SNRNP200: variants seen among roughly 807,000 people sequenced by gnomAD.
The protein encoded by SNRNP200 is U5 small nuclear ribonucleoprotein 200 kDa helicase.
A neutral mutation model predicts 255.2 loss-of-function variants in SNRNP200; 66 were observed. That is an observed-to-expected ratio of 0.26 (90% CI 0.21 to 0.32). SNRNP200 has a LOEUF of 0.32. Among genes scored for constraint, SNRNP200 ranks in the 10% least tolerant of loss-of-function variants. The pLI is 1.00. For missense variants in SNRNP200, 1,585 were observed against 2,749.8 expected (o/e 0.58, Z 9.47); for synonymous variants, 939 against 1,027.8 (o/e 0.91, Z 1.65).
intron 4 of SNRNP200, among the ~76,000 whole-genome samples, 169 bp from the exon 5 acceptor site, chr2:96,301,222 C>A (rs2063950375): frequency 1.3e-5 from 2 of 152,218 alleles, no homozygotes; most frequent in Admixed American, 1.3e-4. Context: ...GCTGCTCCTG[C>A]CAAGACCTTC....
intron 24 of SNRNP200, among the ~76,000 whole-genome samples, chr2:96,288,391 G>C (rs1447559918): frequency 6.6e-6 from 1 of 152,212 alleles, no homozygotes; most frequent in African/African-American, 2.4e-5. Flanking sequence ...CTGGGAAGCA[G>C]ACACTGCGTG....
Position 96,297,369 on chromosome 2 carries a change from T to C in SNRNP200, c.1371A>G (p.Ser457=). Reference sequence around the variant, plus strand: ...AAGAAAGCAATTCACTTACTTCTTCTGAGCCAAAGGGCTTGGGCTTCAGAG... The same window carrying C: ...AAGAAAGCAATTCACTTACTTCTTCCGAGCCAAAGGGCTTGGGCTTCAGAG... ...VPALKPKPFG[S]EEQLLPVEKL... The change falls in exon 11 of 45, where the codon TCA becomes TCG. Residue 457 remains serine (S), a synonymous_variant. Coordinates refer to ENST00000323853, the MANE Select transcript of SNRNP200 (RefSeq NM_014014.5). 1 of 1,613,622 alleles carries C rather than the reference T, an allele frequency of 6.2e-7. No homozygotes were observed. Among genetic ancestry groups the C allele is most frequent in the Non-Finnish European group, 8.5e-7 (1 of 1,180,012 alleles).
rs774216490 is a variant in SNRNP200, at chr2:96,290,558, G to A, written c.2554-44C>T. The A allele has an allele frequency of 7.4e-6, 12 of 1,613,216 alleles. 1 individual carries two copies. In the South Asian group the frequency reaches 1.3e-4, roughly 18 times the overall value. ...ACCAAGAATGCTATGTCAAGAGAAT[G>A]TCTGAATTTTGATGCAGGTATCTAC... On this transcript the variant is annotated intron_variant, in intron 19 of 44. Coordinates refer to ENST00000323853, the MANE Select transcript of SNRNP200 (RefSeq NM_014014.5). The surrounding 1 kb of genome is among the most constrained non-coding windows in gnomAD (Gnocchi z 4.5).
chr2:96,298,155 G>A, intron 9 of SNRNP200, 129 bp downstream of exon 9: 1 of 1,393,392 alleles, frequency 7.2e-7, no homozygotes, highest in Non-Finnish European at 1.0e-6. Context: ...TGTATGCACT[G>A]ATAAACCCCA....
intron 16 of SNRNP200, 83 bp downstream of exon 16, chr2:96,292,889 T>C: frequency 6.6e-7 from 1 of 1,512,438 alleles, no homozygotes; most frequent in Non-Finnish European, 9.1e-7. Flanking sequence ...TCTCTTTTAA[T>C]TTCTGTCAAT....
In SNRNP200 at chr2:96,293,121, G is replaced by C. The variant is rs766377129; in HGVS notation, c.2037-26C>G. The C allele has an allele frequency of 3.1e-6, 5 of 1,614,110 alleles. No individual in the cohort carries two copies. The South Asian group carries it at 5.5e-5, about 18-fold the overall frequency. On this transcript the variant is annotated intron_variant, in intron 15 of 44. Coordinates refer to ENST00000323853, the MANE Select transcript of SNRNP200 (RefSeq NM_014014.5). ...CTAGAAGTTCAACAGTTAGACAAAT[G>C]AGGCTTTGGCAGAAAATACTGTGGG...
chr2:96,277,073 T>G lies in SNRNP200; in HGVS notation c.6092+8A>C. On this transcript the variant is annotated splice_region_variant and intron_variant, in intron 42 of 44. Coordinates refer to ENST00000323853, the MANE Select transcript of SNRNP200 (RefSeq NM_014014.5). The surrounding 1 kb of genome is among the most constrained non-coding windows in gnomAD (Gnocchi z 4.4). The stretch of plus-strand genomic sequence containing the variant: ...TGCTGTGCCCAACAGGCACCACCTC[T>G]GGCTCACCTGCGGATGCTGTCCTTA... 7.4e-6 allele frequency: 12 copies of G among 1,614,212 alleles called. No individual in the cohort carries two copies. The highest frequency in any genetic ancestry group is 1.0e-5 in the Non-Finnish European group (12 of 1,180,030).
rs2063921107 is a variant in SNRNP200, at chr2:96,296,984, G to C, written c.1464C>G (p.Leu488=). 2.5e-6 allele frequency: 4 copies of C among 1,614,108 alleles called. No individual in the cohort carries two copies. In the Admixed American group the frequency reaches 6.7e-5, roughly 27 times the overall value. The change falls in exon 12 of 45, where the codon CTC becomes CTG. Residue 488 remains leucine, a synonymous_variant. Transcript: ENST00000323853. ...CATCCGTCTCAAGGGCAGCACGGTA[G>C]AGCTTACTCTGGATCCGATTCAGTG... ...FKTLNRIQSK[L]YRAALETDEN...
rs772952157 is a variant in SNRNP200 at position 96,283,315 on chromosome 2, G to A, written c.4801C>T (p.Leu1601=). 48 of 1,614,128 alleles carry A rather than the reference G, an allele frequency of 3.0e-5. No individual in the cohort carries two copies. Among genetic ancestry groups the A allele is most frequent in the Non-Finnish European group, 4.0e-5 (47 of 1,180,030 alleles). The change falls in exon 34 of 45, where the codon CTG becomes TTG. Residue 1601 remains leucine (L), a synonymous_variant. Coordinates refer to ENST00000323853, the MANE Select transcript of SNRNP200 (RefSeq NM_014014.5). The surrounding 1 kb of genome is among the most constrained non-coding windows in gnomAD (Gnocchi z 4.7). ...AGCGTGCTGTCACTTAGCTTCTCCA[G>A]GTACGGAATCAGATCCTTCTCGGTG... ...HCTEKDLIPY[L]EKLSDSTLKE...
chr2:96,299,861 A>G (rs1007878952), intron 5 of SNRNP200, among the ~76,000 whole-genome samples: 3 of 152,242 alleles, frequency 2.0e-5, no homozygotes, highest in African/African-American at 7.2e-5. Flanking sequence ...ATAGTGTCAC[A>G]GTCAAAACAG....
rs1415206986 is a variant in SNRNP200 at position 96,279,460 on chromosome 2, G to A, written c.5124C>T (p.Gly1708=). Reference sequence around the variant, plus strand: ...TGAGTCTAGGACTGACCTTCTTGGAGCCCTGACACATGATGACACAGCGCC... The same window carrying A: ...TGAGTCTAGGACTGACCTTCTTGGAACCCTGACACATGATGACACAGCGCC... ...DEGRCVIMCQ[G]SKKDFFKKFL... Residue 1708 remains glycine (G), a synonymous_variant, in exon 36 of 45, where the codon GGC becomes GGT. Coordinates refer to ENST00000323853, the MANE Select transcript of SNRNP200 (RefSeq NM_014014.5). 1 of 1,612,292 alleles carries A rather than the reference G, an allele frequency of 6.2e-7. No individual in the cohort carries two copies. Among genetic ancestry groups the A allele is most frequent in the Non-Finnish European group, 8.5e-7 (1 of 1,178,436 alleles).
chr2:96,300,856 C>A, intron 5 of SNRNP200, 142 bp downstream of exon 5: 2 of 695,824 alleles, frequency 2.9e-6, no homozygotes, highest in African/African-American at 1.8e-5. Flanking sequence ...AGCAAAAGAA[C>A]ATATAATGCC....
rs2063936386 is a variant in SNRNP200 at position 96,298,971 on chromosome 2, T to C, written c.730-4A>G. On this transcript the variant is annotated splice_region_variant and splice_polypyrimidine_tract_variant and intron_variant, in intron 6 of 44. Transcript: ENST00000323853. ...TCAGTTCACCTGAGGCTACGAGCTA[T>C]AAAAGTAACCAGGCATTTAGCTCAC... The C allele has an allele frequency of 1.9e-6, 3 of 1,613,902 alleles. No homozygotes were observed. The highest frequency in any genetic ancestry group is 2.7e-5 in the African/African-American group (2 of 74,928).
chr2:96,286,126 T>G lies in SNRNP200; in HGVS notation c.4003+185A>C, dbSNP rs1349678097. Among the ~76,000 whole-genome samples, 1 of 152,112 alleles carries G rather than the reference T, an allele frequency of 6.6e-6. No individual in the cohort carries two copies. The highest frequency in any genetic ancestry group is 1.5e-5 in the Non-Finnish European group (1 of 68,002). Reference sequence around the variant, plus strand: ...TCTATTGCCCCTCCACAGTGACACATGCAGAGCAGCAAAGCAACCAAAGGC... The same window carrying G: ...TCTATTGCCCCTCCACAGTGACACAGGCAGAGCAGCAAAGCAACCAAAGGC... On this transcript the variant is annotated intron_variant, in intron 29 of 44. Coordinates refer to ENST00000323853, the MANE Select transcript of SNRNP200 (RefSeq NM_014014.5). The surrounding 1 kb of genome is among the most constrained non-coding windows in gnomAD (Gnocchi z 4.8).
At chr2:96,285,080 G>A in intron 30 of SNRNP200, 100 bp downstream of exon 30, 8 of 1,415,210 alleles carry the variant, frequency 5.7e-6, no homozygotes, top group Non-Finnish European at 7.9e-6. Flanking sequence ...CACAAACTGA[G>A]GAAATGACCC....
rs1244839406 is a variant in SNRNP200 at position 96,290,199 on chromosome 2, A to G, written c.2742+127T>C. ...ACAAGGGGAACTATCTGCCAGACCC[A>G]AGATGTGGGTGCAGGGATGGAAGGC... On this transcript the variant is annotated intron_variant, in intron 20 of 44. Coordinates refer to ENST00000323853, the MANE Select transcript of SNRNP200 (RefSeq NM_014014.5). This position sits in a 1 kb window ranked among gnomAD's most constrained non-coding sequence, Gnocchi z 4.5. The G allele has an allele frequency of 1.0e-5, 12 of 1,143,106 alleles. No individual in the cohort carries two copies. The highest frequency in any genetic ancestry group is 1.7e-5 in the Admixed American group (1 of 59,098). 70.8% of individuals were successfully genotyped at this position (1,143,106 alleles called of 1,614,324 possible).
Position 96,275,006 on chromosome 2 carries a change from C to T in SNRNP200, c.*6G>A, listed in dbSNP as rs1288265524. 1.2e-6 allele frequency: 2 copies of T among 1,613,750 alleles called. No individual in the cohort carries two copies. The highest frequency in any genetic ancestry group is 1.3e-5 in the African/African-American group (1 of 74,928). ...CTCCTTTACCCAAAAGTAAATGCCT[C>T]AGGACTCAATCTGAATCACTGTCTG... On this transcript the variant is annotated 3_prime_UTR_variant, in exon 45 of 45. Coordinates refer to ENST00000323853, the MANE Select transcript of SNRNP200 (RefSeq NM_014014.5).
At position 96,296,653 on chromosome 2, in the gene SNRNP200, G is replaced by C; in HGVS notation, c.1554C>G (p.Leu518=). 6.2e-7 allele frequency: 1 copy of C among 1,614,102 alleles called. No individual in the cohort carries two copies. The highest frequency in any genetic ancestry group is 8.5e-7 in the Non-Finnish European group (1 of 1,180,022). Residue 518 remains leucine (L), a synonymous_variant, in exon 13 of 45, where the codon CTC becomes CTG. Coordinates refer to ENST00000323853, the MANE Select transcript of SNRNP200 (RefSeq NM_014014.5). ...GKTNVALMCM[L]REIGKHINMD... ...TGTTTATGTGTTTCCCAATCTCTCG[G>C]AGCATGCACATCAGGGCCACGTTGG...
Position 96,296,957 on chromosome 2 carries a change from C to G in SNRNP200, c.1491G>C (p.Glu497Asp), listed in dbSNP as rs748396055. The change falls in exon 12 of 45, where the codon GAG (glutamate) becomes GAC (aspartate). Residue 497 changes from glutamate to aspartate, a missense_variant. By Grantham distance (45) the Glu-to-Asp change is conservative. This residue lies in a region of SNRNP200 where 383 missense variants were observed against 645.3 expected (regional missense o/e 0.59). Coordinates refer to ENST00000323853, the MANE Select transcript of SNRNP200 (RefSeq NM_014014.5). ...KLYRAALETD[E>D]NLLLCAPTGA... The stretch of plus-strand genomic sequence containing the variant: ...CAGTAGGAGCACACAGCAGCAGATT[C>G]TCATCCGTCTCAAGGGCAGCACGGT... 8 of 1,614,120 alleles carry G rather than the reference C, an allele frequency of 5.0e-6. No individual in the cohort carries two copies. The highest frequency in any genetic ancestry group is 1.7e-5 in the Admixed American group (1 of 60,006).
Sources: allele counts gnomAD v4.1 joint callset (sites outside exome capture counted in the v4.1 genomes callset), GRCh38; gene constraint gnomAD v4.1.1; regional missense constraint gnomAD v4.1.1; non-coding constraint Gnocchi (gnomAD v3.1); transcripts MANE v1.5; gene names NCBI Gene and HGNC (gene_info 2026-07-23, HGNC 2026-07-21).